Variants in MLLT6 observed in about 807,000 individuals in gnomAD.
The protein encoded by MLLT6 is protein AF-17.
In MLLT6, 22 loss-of-function variants were observed where a neutral mutation model predicts 103.0. The observed-to-expected ratio is 0.21, with a 90% CI of 0.15 to 0.31. The LOEUF is 0.31. Among genes scored for constraint, MLLT6 ranks in the 10% least tolerant of loss-of-function variants. MLLT6 has a pLI of 1.00. For synonymous variants in MLLT6, 606 were observed against 623.5 expected, an observed-to-expected ratio of 0.97 and a Z score of 0.42; for missense variants, 1,199 against 1,441.7, an observed-to-expected ratio of 0.83 and a Z score of 2.73.
intron 16 of MLLT6, 33 bp downstream of exon 16, chr17:38,720,780 G>A (rs745801266): frequency 1.3e-6 from 2 of 1,594,202 alleles, no homozygotes; most frequent in Admixed American, 1.7e-5. Context: ...CAGGAAGGAG[G>A]GGGAGACTCA....
In MLLT6 at chr17:38,709,449, C is replaced by T. The variant is rs1905066193; in HGVS notation, c.459-33C>T. On this transcript the variant is annotated intron_variant, in intron 5 of 19. Transcript: ENST00000621332. The surrounding 1 kb of genome is among the most constrained non-coding windows in gnomAD (Gnocchi z 4.3). ...GGAAGGTGGCTCATGTGATCTGTGG[C>T]CTCAGCCGTCTCAGGCTGCCTTCTC... The T allele has an allele frequency of 6.3e-7, 1 of 1,580,520 alleles. No homozygotes were observed. The highest frequency in any genetic ancestry group is 8.7e-7 in the Non-Finnish European group (1 of 1,149,340).
rs2143663331 is a variant in MLLT6 at position 38,707,503 on chromosome 17, A to C, written c.207A>C (p.Pro69=). ...RAARVRCELC[P]HKDGALKRTD... ...ATTGGCAGAGGTGTGAGCTGTGCCCACACAAAGACGGGGCATTGAAGAGGA... is the reference window on the plus strand; with the variant it reads ...ATTGGCAGAGGTGTGAGCTGTGCCCCCACAAAGACGGGGCATTGAAGAGGA... The change falls in exon 3 of 20, where the codon CCA becomes CCC. Residue 69 remains proline (P), a synonymous_variant. Coordinates refer to ENST00000621332, the MANE Select transcript of MLLT6 (RefSeq NM_005937.4). 1 of 1,614,150 alleles carries C rather than the reference A, an allele frequency of 6.2e-7. No individual in the cohort carries two copies. The highest frequency in any genetic ancestry group is 1.6e-4 in the Middle Eastern group (1 of 6,062).
chr17:38,720,742 T>A lies in MLLT6; in HGVS notation c.2437T>A (p.Ser813Thr). ...LGLDNSLSTS[S>T]EDPHSGCPSR... Reference sequence around the variant, plus strand: ...CCTGGACAACTCGCTGTCCACTTCTTCTGAGGTGGGCGCTACGAGGAGTGG... The same window carrying A: ...CCTGGACAACTCGCTGTCCACTTCTACTGAGGTGGGCGCTACGAGGAGTGG... The change falls in exon 16 of 20, where the codon TCT (serine) becomes ACT (threonine). Residue 813 changes from serine (S) to threonine (T), a missense_variant. Ser to Thr is a moderately conservative substitution (Grantham distance 58, BLOSUM62 1). This residue lies in a region of MLLT6 where 1,034 missense variants were observed against 1,091.5 expected (regional missense o/e 0.95). Transcript: ENST00000621332. 6.2e-7 allele frequency: 1 copy of A among 1,613,334 alleles called. No individual in the cohort carries two copies. The highest frequency in any genetic ancestry group is 8.5e-7 in the Non-Finnish European group (1 of 1,179,670).
At position 38,716,506 on chromosome 17, in the gene MLLT6, C is replaced by T. The variant is rs779302931; in HGVS notation, c.1176C>T (p.Asp392=). 1.7e-5 allele frequency: 27 copies of T among 1,614,094 alleles called. No individual in the cohort carries two copies. The highest frequency in any genetic ancestry group is 2.2e-5 in the Non-Finnish European group (26 of 1,180,048). ...CAGCTCCCGAGCCCCCCAAGGCTGACCTTTTTGAGCAGAAGGTGGTCTTCT... is the reference window on the plus strand; with the variant it reads ...CAGCTCCCGAGCCCCCCAAGGCTGATCTTTTTGAGCAGAAGGTGGTCTTCT... The part of the protein sequence containing the change: ...SPSAPEPPKA[D]LFEQKVVFSG... The change falls in exon 10 of 20, where the codon GAC becomes GAT. Residue 392 remains aspartate, a synonymous_variant. Coordinates refer to ENST00000621332, the MANE Select transcript of MLLT6 (RefSeq NM_005937.4). The surrounding 1 kb of genome is among the most constrained non-coding windows in gnomAD (Gnocchi z 5.6).
rs1906156825 is a variant in MLLT6, at chr17:38,728,556, G to C, written c.*2958G>C. 1 of 233,462 alleles carries C rather than the reference G, an allele frequency of 4.3e-6. No homozygotes were observed. Among genetic ancestry groups the C allele is most frequent in the African/African-American group, 2.2e-5 (1 of 45,354 alleles). The allele number at this position is 233,462 out of a possible 1,614,324, so 14.5% of individuals were successfully genotyped here. ...GTGAGTGGGGGTGCATATAGAGGCA[G>C]TGCCTGCTGTGGGGTCACAACTGGT... On this transcript the variant is annotated 3_prime_UTR_variant, in exon 20 of 20. Transcript: ENST00000621332.
intron 16 of MLLT6, among the ~76,000 whole-genome samples, chr17:38,721,519 G>A (rs773968150): frequency 6.6e-6 from 1 of 152,186 alleles, no homozygotes; most frequent in Non-Finnish European, 1.5e-5. Flanking sequence ...GCTTTTGCCT[G>A]CAGAGTTACT....
In MLLT6 at chr17:38,716,283, GCT is replaced by G. The variant is rs1905339620; in HGVS notation, c.1037-78_1037-77del. ...CAGGCATCCCCATTCGTGGACCAGAGCTCTCTCCCGCCAGTACACGCGGGAGT... is the reference window on the plus strand; with the variant it reads ...CAGGCATCCCCATTCGTGGACCAGAGCTCTCCCGCCAGTACACGCGGGAGT... On this transcript the variant is annotated intron_variant, in intron 9 of 19. Transcript: ENST00000621332. This position sits in a 1 kb window ranked among gnomAD's most constrained non-coding sequence, Gnocchi z 5.6. 3 of 1,407,240 alleles carry G rather than the reference GCT, an allele frequency of 2.1e-6. No individual in the cohort carries two copies. The highest frequency in any genetic ancestry group is 2.3e-5 in the East Asian group (1 of 43,282). 87.2% of individuals were successfully genotyped at this position (1,407,240 alleles called of 1,614,324 possible). A position where few individuals can be genotyped will look rare whatever the true frequency, so the allele number is the denominator to read the frequency against.
In MLLT6 at chr17:38,716,064, C is replaced by T. The variant is rs556390371; in HGVS notation, c.1036+236C>T. 16 of 604,620 alleles carry T rather than the reference C, an allele frequency of 2.6e-5. No homozygotes were observed. The South Asian group carries it at 3.3e-4, about 13-fold the overall frequency. 37.5% of individuals were successfully genotyped at this position (604,620 alleles called of 1,614,324 possible). A position where few individuals can be genotyped will look rare whatever the true frequency, so the allele number is the denominator to read the frequency against. On this transcript the variant is annotated intron_variant, in intron 9 of 19. Coordinates refer to ENST00000621332, the MANE Select transcript of MLLT6 (RefSeq NM_005937.4). This position sits in a 1 kb window ranked among gnomAD's most constrained non-coding sequence, Gnocchi z 5.6. ...CCAACCTCATAACAGTATTCCTTAT[C>T]CCCTACATTTGTGCTGCAAGGTACA...
chr17:38,712,648 G>A (rs1905183713), intron 7 of MLLT6, 43 bp from the exon 8 acceptor site: 3 of 1,343,032 alleles, frequency 2.2e-6, no homozygotes, highest in Non-Finnish European at 3.2e-6. Flanking sequence ...TCCTCGCCCA[G>A]ACAGCCCCCC....
intron 16 of MLLT6, chr17:38,721,010 A>G (rs564290734): frequency 3.6e-6 from 2 of 558,052 alleles, no homozygotes; most frequent in Admixed American, 6.7e-5. Context: ...GTAATCACAA[A>G]CTGGGAGATA....
Position 38,720,625 on chromosome 17 carries a change from G to T in MLLT6, c.2354-34G>T. On this transcript the variant is annotated intron_variant, in intron 15 of 19. Coordinates refer to ENST00000621332, the MANE Select transcript of MLLT6 (RefSeq NM_005937.4). ...GGCCCGTGCCCTGAAGTCCGGACTGGCCCTGACTGCAGCCTGTGACATCCC... is the reference window on the plus strand; with the variant it reads ...GGCCCGTGCCCTGAAGTCCGGACTGTCCCTGACTGCAGCCTGTGACATCCC... 1.2e-6 allele frequency: 2 copies of T among 1,613,298 alleles called. 1 individual carries two copies. Among genetic ancestry groups the T allele is most frequent in the South Asian group, 2.2e-5 (2 of 91,070 alleles).
chr17:38,725,313 C>A, intron 19 of MLLT6: 1 of 548,444 alleles, frequency 1.8e-6, no homozygotes, highest in Non-Finnish European at 3.2e-6. Context: ...AAGGCCCTCT[C>A]CCTCTCCTGA....
chr17:38,719,679 G>A (rs1251282745), intron 13 of MLLT6, 71 bp from the exon 14 acceptor site: 1 of 1,575,224 alleles, frequency 6.3e-7, no homozygotes. Context: ...AACCCCTGGG[G>A]GATACGGGAG....
chr17:38,717,709 T>C, intron 11 of MLLT6, 96 bp downstream of exon 11: 3 of 1,458,764 alleles, frequency 2.1e-6, no homozygotes, highest in Non-Finnish European at 1.9e-6. Flanking sequence ...GCAACTGGGC[T>C]GAGTTGCCAT....
intron 6 of MLLT6, among the ~76,000 whole-genome samples, chr17:38,711,207 T>A (rs1265173705): frequency 6.6e-6 from 1 of 151,706 alleles, no homozygotes; most frequent in African/African-American, 2.4e-5. Flanking sequence ...TCAGGCTGGG[T>A]CTGTAGTGAA....
chr17:38,728,506 G>A lies in MLLT6; in HGVS notation c.*2908G>A, dbSNP rs975390955. 5.1e-5 allele frequency: 12 copies of A among 233,420 alleles called. No homozygotes were observed. The highest frequency in any genetic ancestry group is 8.5e-5 in the Non-Finnish European group (10 of 118,162). The allele number at this position is 233,420 out of a possible 1,614,324, so 14.5% of individuals were successfully genotyped here. ...TGAGTGGGTGAGCATGTGGAGTTGGGTGTTCCCACCCTCAGTGAGGAGGTG... is the reference window on the plus strand; with the variant it reads ...TGAGTGGGTGAGCATGTGGAGTTGGATGTTCCCACCCTCAGTGAGGAGGTG... On this transcript the variant is annotated 3_prime_UTR_variant, in exon 20 of 20. Transcript: ENST00000621332.
intron 12 of MLLT6, chr17:38,718,269 G>A (rs954068730): frequency 8.1e-6 from 2 of 245,546 alleles, no homozygotes; most frequent in East Asian, 8.4e-5. Flanking sequence ...CAGCTACTCA[G>A]GAGGCTGAGG....
At chr17:38,715,864 G>C (rs754869929) in intron 9 of MLLT6, 36 bp downstream of exon 9, 1 of 1,545,750 alleles carries the variant, frequency 6.5e-7, no homozygotes, top group South Asian at 1.2e-5. Flanking sequence ...CTGGGAGCAG[G>C]GAAAGCCTTT....
rs1210770118 is a variant in MLLT6, at chr17:38,724,561, G to A, written c.2884-59G>A. 1.3e-5 allele frequency: 18 copies of A among 1,376,648 alleles called. No homozygotes were observed. The highest frequency in any genetic ancestry group is 1.6e-5 in the Non-Finnish European group (16 of 1,011,718). 85.3% of individuals were successfully genotyped at this position (1,376,648 alleles called of 1,614,324 possible). On this transcript the variant is annotated intron_variant, in intron 18 of 19. Coordinates refer to ENST00000621332, the MANE Select transcript of MLLT6 (RefSeq NM_005937.4). This position sits in a 1 kb window ranked among gnomAD's most constrained non-coding sequence, Gnocchi z 5.4. ...GGGGCCTGGCCAGGCAGGGCAGGCA[G>A]GCAGCAGGGAAGAGACCCCCGGGAC... is the stretch of plus-strand genomic sequence containing the variant.
Sources: allele counts gnomAD v4.1 joint callset (sites outside exome capture counted in the v4.1 genomes callset), GRCh38; gene constraint gnomAD v4.1.1; regional missense constraint gnomAD v4.1.1; non-coding constraint Gnocchi (gnomAD v3.1); transcripts MANE v1.5; gene names NCBI Gene and HGNC (gene_info 2026-07-23, HGNC 2026-07-21).